BMPER: variants seen among roughly 807,000 people sequenced by gnomAD.
BMPER encodes the protein BMP binding endothelial regulator.
Under a neutral mutation model 87.3 loss-of-function variants are expected in BMPER, and 45 were observed. The ratio of observed to expected loss-of-function variants is 0.52; its 90% confidence interval spans 0.41 to 0.66. The LOEUF is 0.66. Among genes scored for constraint, BMPER ranks in the 30% least tolerant of loss-of-function variants. The pLI, the probability that BMPER is intolerant of heterozygous loss-of-function variation, is 0.00. For synonymous variants in BMPER, 326 were observed against 316.2 expected, an observed-to-expected ratio of 1.03 and a Z score of -0.33; for missense variants, 784 against 867.5, an observed-to-expected ratio of 0.90 and a Z score of 1.21.
intron 1 of BMPER, among the ~76,000 whole-genome samples, chr7:33,906,605 A>C (rs888983011): frequency 2.6e-5 from 4 of 152,186 alleles, no homozygotes; most frequent in African/African-American, 4.8e-5. Flanking sequence ...CCTATATCAT[A>C]GTCTTTTCTT....
At chr7:34,127,200 T>C (rs957139444) in intron 13 of BMPER, among the ~76,000 whole-genome samples, 1 of 152,144 alleles carries the variant, frequency 6.6e-6, no homozygotes, top group Non-Finnish European at 1.5e-5. Flanking sequence ...GTTGGATGCA[T>C]GTCAGTAGGG....
chr7:34,112,369 G>A (rs1041207621), intron 13 of BMPER, among the ~76,000 whole-genome samples: 12 of 151,644 alleles, frequency 7.9e-5, no homozygotes, highest in Admixed American at 2.0e-4. Flanking sequence ...GGTGGTGGGC[G>A]CCTGTAGTCC....
At chr7:34,145,351 C>T (rs1212797541) in intron 14 of BMPER, among the ~76,000 whole-genome samples, 1 of 152,210 alleles carries the variant, frequency 6.6e-6, no homozygotes. Context: ...CCCACCTCTG[C>T]AAACCCAAGT....
chr7:33,935,362 T>A (rs549147681), intron 2 of BMPER, among the ~76,000 whole-genome samples: 2 of 152,140 alleles, frequency 1.3e-5, no homozygotes, highest in East Asian at 3.9e-4. Flanking sequence ...AGCTGAACAT[T>A]GGAATTACCT....
chr7:34,041,800 T>C (rs1787839844), intron 6 of BMPER, among the ~76,000 whole-genome samples: 1 of 152,068 alleles, frequency 6.6e-6, no homozygotes, highest in Admixed American at 6.6e-5. Context: ...GAGAACTCTA[T>C]TTTTTTCCCC....
intron 10 of BMPER, 148 bp from the exon 11 acceptor site, chr7:34,061,854 C>A: frequency 1.5e-6 from 1 of 676,092 alleles, no homozygotes. Context: ...CCATCTTCAT[C>A]ACCATCTGGG....
At chr7:33,920,973 A>C (rs569670070) in intron 2 of BMPER, among the ~76,000 whole-genome samples, 14 of 152,322 alleles carry the variant, frequency 9.2e-5, no homozygotes, top group African/African-American at 3.4e-4. Flanking sequence ...TATCTTGCAC[A>C]TTAGCTGTCT....
intron 3 of BMPER, among the ~76,000 whole-genome samples, chr7:33,938,034 G>A (rs1002281526): frequency 1.3e-5 from 2 of 152,124 alleles, no homozygotes; most frequent in Non-Finnish European, 2.9e-5. Flanking sequence ...TGCTCAAGGT[G>A]CTCAGCCCTC....
At chr7:33,977,551 G>C (rs1050591628) in intron 6 of BMPER, among the ~76,000 whole-genome samples, 2 of 152,150 alleles carry the variant, frequency 1.3e-5, no homozygotes, top group Non-Finnish European at 2.9e-5. Context: ...CACTGAGGAG[G>C]CTACCAGAGG....
rs142894387 is a variant in BMPER at position 34,043,585 on chromosome 7, T to C, written c.577-2721T>C. Among the ~76,000 whole-genome samples, 30 of 152,290 alleles carry C rather than the reference T, an allele frequency of 2.0e-4. No individual in the cohort carries two copies. In the East Asian group the frequency reaches 5.6e-3, roughly 28 times the overall value. ...TTTAGCTCGAGTGGGTTGAACTTTA[T>C]CCTGGATGAAGTGGCAGGTCATCCT... On this transcript the variant is annotated intron_variant, in intron 6 of 14. Transcript: ENST00000649409.
intron 9 of BMPER, 142 bp from the exon 10 acceptor site, chr7:34,057,917 C>T (rs1788326781): frequency 4.2e-6 from 3 of 716,282 alleles, no homozygotes; most frequent in Non-Finnish European, 7.5e-6. Context: ...TGGATGTAGA[C>T]AGACACCTGA....
At chr7:33,995,128 A>T (rs181409242) in intron 6 of BMPER, among the ~76,000 whole-genome samples, 1 of 152,324 alleles carries the variant, frequency 6.6e-6, no homozygotes, top group East Asian at 1.9e-4. Context: ...GAATATTATC[A>T]TAAATTATAT....
chr7:33,935,353 G>A (rs377395929), intron 2 of BMPER, among the ~76,000 whole-genome samples: 1 of 152,096 alleles, frequency 6.6e-6, no homozygotes, highest in East Asian at 1.9e-4. Flanking sequence ...CTCAACCCTA[G>A]CTGAACATTG....
At chr7:34,054,162 G>A (rs891569646) in intron 8 of BMPER, among the ~76,000 whole-genome samples, 10 of 152,178 alleles carry the variant, frequency 6.6e-5, no homozygotes, top group East Asian at 1.9e-4. Context: ...CTTACATTGC[G>A]AAGAACTCCT....
chr7:33,935,594 C>CAG (rs35522311), intron 2 of BMPER, among the ~76,000 whole-genome samples: 50,760 of 147,512 alleles, frequency 0.34, 8,791 homozygotes, highest in African/African-American at 0.43. Flanking sequence ...GAGAAAGAGA[C>CAG]AGAGAGAGAG....
chr7:33,948,070 A>G (rs909815847), intron 3 of BMPER, among the ~76,000 whole-genome samples: 3 of 152,172 alleles, frequency 2.0e-5, no homozygotes, highest in South Asian at 2.1e-4. Context: ...TAGTTTGGCA[A>G]TCATTACCAT....
intron 11 of BMPER, among the ~76,000 whole-genome samples, chr7:34,077,208 A>G (rs190338307): frequency 1.2e-4 from 19 of 152,250 alleles, no homozygotes; most frequent in African/African-American, 4.6e-4. Context: ...GTGGGATAGG[A>G]TGATTTTGGA....
intron 2 of BMPER, among the ~76,000 whole-genome samples, chr7:33,933,354 A>C (rs1165290845): frequency 6.6e-6 from 1 of 151,964 alleles, no homozygotes; most frequent in Non-Finnish European, 1.5e-5. Context: ...CAGGTAGACC[A>C]CTGGCTGGCA....
chr7:34,002,139 T>A (rs1332378019), intron 6 of BMPER, among the ~76,000 whole-genome samples: 1 of 151,728 alleles, frequency 6.6e-6, no homozygotes, highest in East Asian at 1.9e-4. Context: ...TATTTTGTTG[T>A]TTTAGAGTGG....
Sources: allele counts gnomAD v4.1 joint callset (sites outside exome capture counted in the v4.1 genomes callset), GRCh38; gene constraint gnomAD v4.1.1; transcripts MANE v1.5; gene names NCBI Gene and HGNC (gene_info 2026-07-23, HGNC 2026-07-21).